The following SH3GL2 variants were observed in gnomAD, a reference collection of about 807,000 sequenced individuals.
SH3GL2 encodes endophilin-A1.
Under a neutral mutation model 46.0 loss-of-function variants are expected in SH3GL2, and 24 were observed. That is an observed-to-expected ratio of 0.52 (90% confidence interval 0.38 to 0.73). SH3GL2 has a LOEUF of 0.73. Ranked by LOEUF, SH3GL2 falls within the 30% of genes least tolerant of loss-of-function variation. The probability of loss-of-function intolerance (pLI) is 0.00; values close to 1 mark genes in which losing one functional copy is unlikely to be tolerated. For synonymous variants in SH3GL2, 196 were observed against 147.1 expected, an observed-to-expected ratio of 1.33 and a Z score of -2.40; for missense variants, 413 against 424.2, an observed-to-expected ratio of 0.97 and a Z score of 0.23.
intron 3 of SH3GL2, among the ~76,000 whole-genome samples, chr9:17,770,755 G>A (rs1422090293): frequency 6.6e-6 from 1 of 152,182 alleles, no homozygotes; most frequent in Non-Finnish European, 1.5e-5. Flanking sequence ...ACATGTCAAG[G>A]AACTGGGGGT....
Position 17,635,220 on chromosome 9 carries a change from A to G in SH3GL2, c.45+55933A>G, listed in dbSNP as rs149781924. ...TTTTCATCATTTAGCACCCACTTAC[A>G]AGTAAGAACATATAGTATATGGTTT... On this transcript the variant is annotated intron_variant, in intron 1 of 8. Transcript: ENST00000380607. Among the ~76,000 whole-genome samples, 431 of 152,242 alleles carry G rather than the reference A, an allele frequency of 2.8e-3. 2 individuals carry two copies. Among genetic ancestry groups the G allele is most frequent in the African/African-American group, 9.8e-3 (406 of 41,536 alleles).
At chr9:17,774,884 G>A (rs12379450) in intron 3 of SH3GL2, among the ~76,000 whole-genome samples, 23,386 of 152,122 alleles carry the variant, frequency 0.15, 2,290 homozygotes, top group Middle Eastern at 0.26. Flanking sequence ...ATATTTGGTA[G>A]AAGTCACTGG....
intron 1 of SH3GL2, among the ~76,000 whole-genome samples, chr9:17,627,066 G>A (rs990048282): frequency 3.3e-5 from 5 of 152,134 alleles, no homozygotes; most frequent in Admixed American, 1.3e-4. Context: ...TATTGGAGGT[G>A]CCAAAGACTG....
intron 3 of SH3GL2, among the ~76,000 whole-genome samples, chr9:17,775,219 C>A (rs1823608498): frequency 6.6e-6 from 1 of 151,810 alleles, no homozygotes; most frequent in African/African-American, 2.4e-5. Context: ...TTTTGTTGAT[C>A]TTTTCCAAGA....
chr9:17,585,152 G>C (rs1427941822), intron 1 of SH3GL2, among the ~76,000 whole-genome samples: 1 of 152,124 alleles, frequency 6.6e-6, no homozygotes, highest in African/African-American at 2.4e-5. Context: ...GAGTCTCAGG[G>C]CATCAAGCAA....
intron 1 of SH3GL2, among the ~76,000 whole-genome samples, chr9:17,683,621 A>G (rs1820830898): frequency 6.6e-6 from 1 of 152,044 alleles, no homozygotes; most frequent in Non-Finnish European, 1.5e-5. Context: ...CCTGCCTAAG[A>G]CTGAGGTTGA....
chr9:17,731,857 A>T (rs559543252), intron 1 of SH3GL2, among the ~76,000 whole-genome samples: 86 of 152,112 alleles, frequency 5.7e-4, no homozygotes, highest in African/African-American at 2.0e-3. Flanking sequence ...TGCTTTCCCT[A>T]TTTACCCCCT....
chr9:17,608,209 A>G lies in SH3GL2; in HGVS notation c.45+28922A>G, dbSNP rs541250516. Among the ~76,000 whole-genome samples the G allele has an allele frequency of 1.8e-3, 241 of 131,954 alleles. 2 individuals carry two copies. The highest frequency in any genetic ancestry group is 6.7e-3 in the African/African-American group (237 of 35,610). 86.6% of individuals were successfully genotyped at this position (131,954 alleles called of 152,430 possible). On this transcript the variant is annotated intron_variant, in intron 1 of 8. Transcript: ENST00000380607. ...GTTGCCCAGGCTGGAGTGCAGTGGC[A>G]CAATCTCAGCTCACTGCAAGCTCTG...
intron 1 of SH3GL2, among the ~76,000 whole-genome samples, chr9:17,604,114 G>T (rs1369160783): frequency 6.6e-6 from 1 of 152,174 alleles, no homozygotes. Context: ...CCTGTCATCT[G>T]CTCCAACACT....
intron 1 of SH3GL2, among the ~76,000 whole-genome samples, chr9:17,602,833 T>A (rs1250732541): frequency 6.6e-6 from 1 of 152,156 alleles, no homozygotes; most frequent in Non-Finnish European, 1.5e-5. Flanking sequence ...TGCAGGATGC[T>A]TAAAGAAATC....
intron 1 of SH3GL2, among the ~76,000 whole-genome samples, chr9:17,740,522 A>G (rs1563834675): frequency 2.2e-5 from 3 of 138,870 alleles, no homozygotes; most frequent in African/African-American, 7.4e-5. Flanking sequence ...ACTTTACTAA[A>G]TAACAAAGAA....
rs373483062 is a variant in SH3GL2, at chr9:17,747,174, AC to A, written c.114+41del. Reference sequence around the variant, plus strand: ...CTGCCTAGTGTTCCCTTTGACATAAACATGTCTACCATAATTAGAGGAGAAG... The same window carrying A: ...CTGCCTAGTGTTCCCTTTGACATAAAATGTCTACCATAATTAGAGGAGAAG... On this transcript the variant is annotated intron_variant, in intron 2 of 8. Transcript: ENST00000380607. 1.9e-5 allele frequency: 26 copies of A among 1,335,294 alleles called. 1 individual carries two copies. The African/African-American group carries it at 2.5e-4, about 13-fold the overall frequency. 82.7% of individuals were successfully genotyped at this position (1,335,294 alleles called of 1,614,324 possible). A position where few individuals can be genotyped will look rare whatever the true frequency, so the allele number is the denominator to read the frequency against.
intron 2 of SH3GL2, among the ~76,000 whole-genome samples, chr9:17,757,538 G>A (rs982187162): frequency 1.3e-5 from 2 of 152,156 alleles, no homozygotes; most frequent in African/African-American, 4.8e-5. Flanking sequence ...TTCCCTAATG[G>A]CTCCTCACAC....
chr9:17,743,620 A>G (rs79754413), intron 1 of SH3GL2, among the ~76,000 whole-genome samples: 2,095 of 139,776 alleles, frequency 0.015, 40 homozygotes, highest in African/African-American at 0.05. Flanking sequence ...GTTAAAGCCA[A>G]TGGATTGATG....
chr9:17,729,522 T>C (rs1375383122), intron 1 of SH3GL2, among the ~76,000 whole-genome samples: 3 of 152,342 alleles, frequency 2.0e-5, no homozygotes, highest in Non-Finnish European at 2.9e-5. Context: ...GTTTTAGTCA[T>C]GAAGTCTTTG....
At chr9:17,686,054 G>T in intron 1 of SH3GL2, among the ~76,000 whole-genome samples, 1 of 140,698 alleles carries the variant, frequency 7.1e-6, no homozygotes, top group South Asian at 2.4e-4. Context: ...CTGACAAAGG[G>T]CTAATATCCA....
chr9:17,629,484 A>G (rs1360500602), intron 1 of SH3GL2, among the ~76,000 whole-genome samples: 6 of 152,136 alleles, frequency 3.9e-5, no homozygotes, highest in African/African-American at 4.8e-5. Context: ...ACTGCCTTTC[A>G]TTTCATAACA....
At chr9:17,727,404 C>G (rs1307078924) in intron 1 of SH3GL2, among the ~76,000 whole-genome samples, 6 of 152,148 alleles carry the variant, frequency 3.9e-5, no homozygotes, top group Admixed American at 3.3e-4. Context: ...TAGACTCCAC[C>G]TGACCCTCAA....
At chr9:17,776,648 G>A (rs1823647340) in intron 3 of SH3GL2, among the ~76,000 whole-genome samples, 1 of 147,546 alleles carries the variant, frequency 6.8e-6, no homozygotes, top group Non-Finnish European at 1.5e-5. Flanking sequence ...TTTGTACTTT[G>A]CATTTTCAAA....
Sources: gnomAD v4.1 joint callset for allele counts (sites outside exome capture counted in the v4.1 genomes callset) on GRCh38, gnomAD v4.1.1 for gene constraint, MANE v1.5 for transcripts, NCBI Gene and HGNC (gene_info 2026-07-23, HGNC 2026-07-21) for gene names.